The following CALN1 variants were observed in gnomAD, a reference collection of about 807,000 sequenced individuals.
CALN1 encodes calneuron 1.
A neutral mutation model predicts 30.6 loss-of-function variants in CALN1; 17 were observed. The ratio of observed to expected loss-of-function variants is 0.56; its 90% CI spans 0.38 to 0.83. The LOEUF is 0.83. CALN1 is among the 40% of genes least tolerant of loss of function. The pLI, the probability that CALN1 is intolerant of heterozygous loss-of-function variation, is 0.00. For synonymous variants in CALN1, 156 were observed against 131.4 expected, an observed-to-expected ratio of 1.19 and a Z score of -1.28; for missense variants, 291 against 354.9, an observed-to-expected ratio of 0.82 and a Z score of 1.45.
At chr7:72,401,491 C>A (rs866392671) in intron 2 of CALN1, among the ~76,000 whole-genome samples, 1 of 152,140 alleles carries the variant, frequency 6.6e-6, no homozygotes, top group African/African-American at 2.4e-5. Flanking sequence ...CGTGTGTGCG[C>A]GCACACAAAT....
chr7:72,018,051 C>T (rs1203849114), intron 5 of CALN1, among the ~76,000 whole-genome samples: 1 of 152,040 alleles, frequency 6.6e-6, no homozygotes, highest in East Asian at 1.9e-4. Context: ...TGTCTGCAAA[C>T]TCATGGCAGA....
intron 4 of CALN1, among the ~76,000 whole-genome samples, chr7:72,036,051 A>T (rs1801777345): frequency 1.3e-5 from 2 of 152,194 alleles, no homozygotes; most frequent in Admixed American, 6.5e-5. Context: ...ACTCCCTCAG[A>T]TTTTTGTTTA....
intron 4 of CALN1, among the ~76,000 whole-genome samples, chr7:72,081,231 T>C (rs1023961732): frequency 6.6e-5 from 10 of 151,820 alleles, no homozygotes; most frequent in Non-Finnish European, 1.5e-4. Context: ...AAAAGAAACA[T>C]AGTAGAAAGG....
chr7:71,890,955 C>T (rs989723276), intron 5 of CALN1, among the ~76,000 whole-genome samples: 2 of 152,052 alleles, frequency 1.3e-5, no homozygotes, highest in Non-Finnish European at 2.9e-5. Flanking sequence ...CTATTTTGTT[C>T]AGCCTAGTTG....
intron 5 of CALN1, among the ~76,000 whole-genome samples, chr7:71,960,852 C>T (rs2129525132): frequency 6.6e-6 from 1 of 152,268 alleles, no homozygotes; most frequent in Middle Eastern, 3.4e-3. Context: ...GAGTCTTACT[C>T]TGTTGCCCAG....
At chr7:72,456,929 T>C in the CALN1 span, among the ~76,000 whole-genome samples, 1 of 151,900 alleles carries the variant, frequency 6.6e-6, no homozygotes, top group African/African-American at 2.4e-5. Flanking sequence ...CCCAAGTAGG[T>C]AATGAGGGAA....
chr7:72,408,865 A>G (rs1391984169), intron 1 of CALN1, among the ~76,000 whole-genome samples: 1 of 151,212 alleles, frequency 6.6e-6, no homozygotes, highest in Non-Finnish European at 1.5e-5. Flanking sequence ...TTTTGTAGAG[A>G]TGCAGTTTCA....
chr7:72,335,781 C>A (rs1014969796), intron 2 of CALN1, among the ~76,000 whole-genome samples: 2 of 152,002 alleles, frequency 1.3e-5, no homozygotes, highest in African/African-American at 4.8e-5. Context: ...CCCGGGCGCA[C>A]GTGGCCCAAG....
At chr7:72,408,975 G>GCC (rs780536350) in intron 1 of CALN1, among the ~76,000 whole-genome samples, 4 of 151,644 alleles carry the variant, frequency 2.6e-5, no homozygotes, top group Non-Finnish European at 4.4e-5. Context: ...ACCACACCTG[G>GCC]CCCCAAGTAT....
intron 4 of CALN1, among the ~76,000 whole-genome samples, chr7:72,104,685 G>A (rs764132469): frequency 2.0e-5 from 3 of 152,102 alleles, no homozygotes; most frequent in African/African-American, 7.2e-5. Context: ...TAGGCCGGGC[G>A]CGCTGGCTCA....
chr7:72,391,941 C>A (rs1005130543), intron 2 of CALN1, among the ~76,000 whole-genome samples: 9 of 152,200 alleles, frequency 5.9e-5, no homozygotes, highest in African/African-American at 2.2e-4. Context: ...GGTGTCTATG[C>A]CTCCACTCCC....
At chr7:72,105,234 T>C (rs1236702112) in intron 4 of CALN1, among the ~76,000 whole-genome samples, 2 of 152,166 alleles carry the variant, frequency 1.3e-5, no homozygotes, top group Non-Finnish European at 2.9e-5. Flanking sequence ...GCACCTGCCT[T>C]AGCTGCACTC....
chr7:72,378,766 C>G (rs1156898119), intron 2 of CALN1, among the ~76,000 whole-genome samples: 2 of 151,820 alleles, frequency 1.3e-5, no homozygotes, highest in Non-Finnish European at 2.9e-5. Flanking sequence ...CGAAGTTTCA[C>G]CATGTTGGCC....
chr7:72,190,703 T>G (rs943787281), intron 3 of CALN1, among the ~76,000 whole-genome samples: 1 of 152,252 alleles, frequency 6.6e-6, no homozygotes, highest in African/African-American at 2.4e-5. Context: ...CCTTTGTACC[T>G]TGAATATTTG....
chr7:72,243,895 T>C (rs1208615428), intron 3 of CALN1, among the ~76,000 whole-genome samples: 1 of 152,212 alleles, frequency 6.6e-6, no homozygotes, highest in Non-Finnish European at 1.5e-5. Context: ...CATACTTCTA[T>C]TCCTTCTTTT....
At chr7:71,996,540 T>C (rs935976984) in intron 5 of CALN1, among the ~76,000 whole-genome samples, 2 of 152,254 alleles carry the variant, frequency 1.3e-5, no homozygotes, top group Non-Finnish European at 2.9e-5. Flanking sequence ...GCTCCAGCTA[T>C]GTCCCTGCAA....
At chr7:71,975,407 T>C (rs28502033) in intron 5 of CALN1, among the ~76,000 whole-genome samples, 5,966 of 152,206 alleles carry the variant, frequency 0.039, 341 homozygotes, top group African/African-American at 0.13. Context: ...TCATGGAACA[T>C]ACCTGTGCTC....
the CALN1 span, among the ~76,000 whole-genome samples, chr7:72,452,574 G>GGAAGCA: frequency 1.3e-5 from 2 of 152,130 alleles, no homozygotes; most frequent in African/African-American, 4.8e-5. Context: ...ACACCTCACC[G>GGAAGCA]GAAGCAGATG....
At chr7:71,984,039 A>T (rs1798538971) in intron 5 of CALN1, among the ~76,000 whole-genome samples, 1 of 152,210 alleles carries the variant, frequency 6.6e-6, no homozygotes, top group Admixed American at 6.5e-5. Context: ...AGCTAATCTA[A>T]AAAATATATA....
Sources: allele counts gnomAD v4.1 joint callset (sites outside exome capture counted in the v4.1 genomes callset), GRCh38; gene constraint gnomAD v4.1.1; transcripts MANE v1.5; gene names NCBI Gene and HGNC (gene_info 2026-07-23, HGNC 2026-07-21).